The following ROR2 variants were observed in gnomAD, a reference collection of about 807,000 sequenced individuals.
The protein encoded by ROR2 is ROR family WNT receptor 2, also known as tyrosine-protein kinase transmembrane receptor ROR2.
ROR2 carries 33 observed loss-of-function variants against 74.9 expected under a neutral mutation model. The observed-to-expected ratio is 0.44, with a 90% CI of 0.33 to 0.59. The LOEUF (loss-of-function observed/expected upper bound fraction) is 0.59, where lower values mean the gene tolerates loss of function less well. Among genes scored for constraint, ROR2 ranks in the 20% least tolerant of loss-of-function variants. The pLI, the probability that ROR2 is intolerant of heterozygous loss-of-function variation, is 0.02. For missense variants in ROR2, 1,216 were observed against 1,313.8 expected (o/e 0.93, Z 1.15); for synonymous variants, 586 against 558.7 (o/e 1.05, Z -0.69).
intron 4 of ROR2, among the ~76,000 whole-genome samples, chr9:91,750,275 T>C (rs942086523): frequency 1.3e-5 from 2 of 152,230 alleles, no homozygotes; most frequent in African/African-American, 4.8e-5. Context: ...TTATTTTCTA[T>C]AATGTCACGA....
intron 1 of ROR2, among the ~76,000 whole-genome samples, chr9:91,932,760 C>T (rs545211545): frequency 1.4e-4 from 22 of 152,172 alleles, no homozygotes; most frequent in African/African-American, 5.3e-4. Flanking sequence ...AGAAAGTGAA[C>T]GCTTATTTGC....
chr9:91,729,898 T>C (rs529956381), intron 7 of ROR2, among the ~76,000 whole-genome samples: 1 of 152,336 alleles, frequency 6.6e-6, no homozygotes, highest in East Asian at 1.9e-4. Flanking sequence ...GCTCAAAAGC[T>C]GGTGGGTGGA....
chr9:91,851,168 C>T (rs1213376561), intron 1 of ROR2, among the ~76,000 whole-genome samples: 5 of 151,740 alleles, frequency 3.3e-5, no homozygotes, highest in East Asian at 1.9e-4. Context: ...CAGGCTAACA[C>T]GTTGAAACTC....
intron 4 of ROR2, among the ~76,000 whole-genome samples, chr9:91,744,451 C>T (rs1405902362): frequency 1.3e-5 from 2 of 151,946 alleles, no homozygotes; most frequent in African/African-American, 4.8e-5. Flanking sequence ...TCTCAAACTC[C>T]GGACCTCAGG....
At chr9:91,877,374 A>G (rs1267883394) in intron 1 of ROR2, among the ~76,000 whole-genome samples, 1 of 152,212 alleles carries the variant, frequency 6.6e-6, no homozygotes, top group Non-Finnish European at 1.5e-5. Context: ...CAGGGGGTAC[A>G]TGGCTATCCA....
intron 1 of ROR2, among the ~76,000 whole-genome samples, chr9:91,860,367 C>T (rs879329194): frequency 6.6e-6 from 1 of 152,130 alleles, no homozygotes; most frequent in Non-Finnish European, 1.5e-5. Flanking sequence ...CCATGAGAAA[C>T]GGTGGCTTGA....
intron 1 of ROR2, among the ~76,000 whole-genome samples, chr9:91,786,140 C>A (rs1826789660): frequency 8.4e-6 from 1 of 119,758 alleles, no homozygotes; most frequent in Non-Finnish European, 1.7e-5. Context: ...GGGTAACATA[C>A]GGAAACCCTG....
At chr9:91,848,764 G>GAAAAAAAAAAAAA (rs36044426) in intron 1 of ROR2, among the ~76,000 whole-genome samples, 1 of 103,756 alleles carries the variant, frequency 9.6e-6, no homozygotes. Context: ...CAGGGGGGAA[G>GAAAAAAAAAAAAA]AAAAAAAAAA....
chr9:91,764,313 T>TA (rs1187261688), intron 2 of ROR2, among the ~76,000 whole-genome samples: 14 of 152,242 alleles, frequency 9.2e-5, no homozygotes, highest in African/African-American at 3.4e-4. Context: ...ATAACTCTTA[T>TA]AAGTGGCATA....
chr9:91,774,548 G>C (rs1248664457), intron 2 of ROR2, among the ~76,000 whole-genome samples: 1 of 152,124 alleles, frequency 6.6e-6, no homozygotes, highest in South Asian at 2.1e-4. Context: ...AGGTCCTCCT[G>C]CTCCCCAAAC....
chr9:91,916,294 C>T (rs536830398), intron 1 of ROR2, among the ~76,000 whole-genome samples: 5 of 152,356 alleles, frequency 3.3e-5, no homozygotes, highest in Non-Finnish European at 7.3e-5. Flanking sequence ...GATAATCTTA[C>T]GTGGATTCCA....
intron 1 of ROR2, among the ~76,000 whole-genome samples, chr9:91,834,983 T>C (rs916967330): frequency 6.6e-6 from 1 of 151,742 alleles, no homozygotes; most frequent in Non-Finnish European, 1.5e-5. Flanking sequence ...CTGCCTTATG[T>C]CTCTGGGCAC....
intron 1 of ROR2, among the ~76,000 whole-genome samples, chr9:91,782,844 CA>C: frequency 6.6e-6 from 1 of 152,300 alleles, no homozygotes; most frequent in East Asian, 1.9e-4. Flanking sequence ...TGGAATCAAA[CA>C]GGGGTAAATG....
At chr9:91,725,377 C>G (rs1187049345) in intron 8 of ROR2, among the ~76,000 whole-genome samples, 1 of 152,180 alleles carries the variant, frequency 6.6e-6, no homozygotes, top group Non-Finnish European at 1.5e-5. Flanking sequence ...CAAAATCCAG[C>G]TGGGACACAC....
chr9:91,888,967 C>T (rs2119391346), intron 1 of ROR2, among the ~76,000 whole-genome samples: 1 of 152,108 alleles, frequency 6.6e-6, no homozygotes, highest in African/African-American at 2.4e-5. Context: ...ATGGCTCTCC[C>T]ATTTTTTCTT....
chr9:91,925,752 C>T (rs555947834), intron 1 of ROR2, among the ~76,000 whole-genome samples: 2 of 152,282 alleles, frequency 1.3e-5, no homozygotes, highest in South Asian at 4.1e-4. Context: ...GAAGAAAACT[C>T]GCTCACTCTA....
chr9:91,798,244 C>A (rs577708295), intron 1 of ROR2, among the ~76,000 whole-genome samples: 1,653 of 122,476 alleles, frequency 0.013, 40 homozygotes, highest in African/African-American at 0.051. Context: ...GGGGCTGACA[C>A]CCTGCATTCT....
chr9:91,855,409 G>A (rs954205431), intron 1 of ROR2, among the ~76,000 whole-genome samples: 2 of 152,230 alleles, frequency 1.3e-5, no homozygotes, highest in East Asian at 3.8e-4. Flanking sequence ...CTCCCGCCAG[G>A]GCAGCCTGGC....
rs1831531381 is a variant in ROR2, at chr9:91,930,833, G to T, written c.97+19034C>A. ...TGGATGAAAATGAAGCCAAAATAAA[G>T]CAAGACTTAATTTGCAGACTGAAGA... On this transcript the variant is annotated intron_variant, in intron 1 of 8. Coordinates refer to ENST00000375708, the MANE Select transcript of ROR2 (RefSeq NM_004560.4). Among the ~76,000 whole-genome samples, 6 of 152,152 alleles carry T rather than the reference G, an allele frequency of 3.9e-5. No homozygotes were observed. The South Asian group carries it at 1.2e-3, about 32-fold the overall frequency.
Sources: allele counts gnomAD v4.1 joint callset (sites outside exome capture counted in the v4.1 genomes callset), GRCh38; gene constraint gnomAD v4.1.1; transcripts MANE v1.5; gene names NCBI Gene and HGNC (gene_info 2026-07-23, HGNC 2026-07-21).